The following TPTE2 variants were observed in gnomAD, a reference collection of about 807,000 sequenced individuals.
TPTE2 encodes phosphatidylinositol 3,4,5-trisphosphate 3-phosphatase TPTE2.
In TPTE2, 53 loss-of-function variants were observed where a neutral mutation model predicts 78.6. That is an observed-to-expected ratio of 0.67 (90% CI 0.54 to 0.85). TPTE2 has a LOEUF of 0.85. TPTE2 is among the 40% of genes least tolerant of loss of function. The probability of loss-of-function intolerance (pLI) is 0.00; values close to 1 mark genes in which losing one functional copy is unlikely to be tolerated. For synonymous variants in TPTE2, 175 were observed against 206.2 expected (o/e 0.85, Z 1.30); for missense variants, 461 against 623.0 (o/e 0.74, Z 2.77).
At chr13:19,455,281 A>G (rs942970903) in intron 10 of TPTE2, among the ~76,000 whole-genome samples, 1 of 152,242 alleles carries the variant, frequency 6.6e-6, no homozygotes, top group Non-Finnish European at 1.5e-5. Context: ...CTGCATGTAT[A>G]AAAATGCTTC....
chr13:19,503,962 G>A (rs1185271416), upstream of TPTE2, among the ~76,000 whole-genome samples: 3 of 151,358 alleles, frequency 2.0e-5, no homozygotes, highest in Non-Finnish European at 2.9e-5. Flanking sequence ...GGATGGGCTC[G>A]ATCTCCTGAT....
At chr13:19,492,290 A>T (rs553934243) in intron 3 of TPTE2, among the ~76,000 whole-genome samples, 1 of 151,954 alleles carries the variant, frequency 6.6e-6, no homozygotes, top group East Asian at 1.9e-4. Context: ...CTAGGCACCA[A>T]CCTCACATGT....
chr13:19,464,460 A>C, exon 10 of TPTE2: 2 of 1,612,374 alleles, frequency 1.2e-6, no homozygotes, highest in Non-Finnish European at 1.7e-6. Flanking sequence ...CCTTACCTCA[A>C]TTGGATTTCT....
In TPTE2 at chr13:19,530,162, C is replaced by G. The variant is rs1031332791; in HGVS notation, c.-44+6434G>C. Among the ~76,000 whole-genome samples the G allele has an allele frequency of 2.0e-5, 3 of 152,292 alleles. 1 individual carries two copies. In the East Asian group the frequency reaches 5.8e-4, roughly 29 times the overall value. ...TACTTCACTATTGGAGTCTGCTGAT[C>G]TAGGGTTTAAGTGCTGGCTGCACCA... On this transcript the variant is annotated intron_variant, in intron 1 of 17. Transcript: ENST00000390680.
chr13:19,474,412 C>A (rs1879816266), intron 5 of TPTE2, among the ~76,000 whole-genome samples: 1 of 152,210 alleles, frequency 6.6e-6, no homozygotes, highest in Non-Finnish European at 1.5e-5. Flanking sequence ...TGTTTACAAA[C>A]TCTTCCTAAA....
At chr13:19,496,268 T>A (rs1456479403) in intron 1 of TPTE2, among the ~76,000 whole-genome samples, 1 of 152,236 alleles carries the variant, frequency 6.6e-6, no homozygotes, top group East Asian at 1.9e-4. Flanking sequence ...CACATCATAC[T>A]TTATATGACT....
the TPTE2 span, among the ~76,000 whole-genome samples, chr13:19,545,492 C>T: frequency 1.3e-5 from 2 of 152,164 alleles, no homozygotes; most frequent in Non-Finnish European, 2.9e-5. Flanking sequence ...AGTCTGTATG[C>T]TGAATGGTGA....
At chr13:19,438,271 G>A (rs1877254849) in intron 13 of TPTE2, 118 bp from the exon 17 acceptor site, 1 of 1,386,138 alleles carries the variant, frequency 7.2e-7, no homozygotes, top group Non-Finnish European at 9.5e-7. Flanking sequence ...GGGTCTTGCT[G>A]TGTCACGCAG....
intron 4 of TPTE2, among the ~76,000 whole-genome samples, chr13:19,482,151 C>T (rs1285062761): frequency 9.2e-5 from 14 of 152,074 alleles, no homozygotes; most frequent in African/African-American, 2.9e-4. Flanking sequence ...ACACCATATC[C>T]AGTAAAAATG....
At chr13:19,459,548 C>T (rs1878755781) in intron 10 of TPTE2, among the ~76,000 whole-genome samples, 1 of 152,176 alleles carries the variant, frequency 6.6e-6, no homozygotes, top group South Asian at 2.1e-4. Context: ...ATCCTTCCTC[C>T]TCCGGACCAC....
chr13:19,448,518 T>A (rs1877977414), intron 13 of TPTE2, among the ~76,000 whole-genome samples: 1 of 152,118 alleles, frequency 6.6e-6, no homozygotes, highest in African/African-American at 2.4e-5. Context: ...GCAAAGAACC[T>A]GAAAAGATAT....
chr13:19,477,524 T>C (rs1238181697), intron 4 of TPTE2, among the ~76,000 whole-genome samples: 3 of 152,088 alleles, frequency 2.0e-5, no homozygotes, highest in South Asian at 2.1e-4. Context: ...GGAGGATCAA[T>C]TGGCCAAAAG....
intron 10 of TPTE2, among the ~76,000 whole-genome samples, chr13:19,462,354 T>C (rs1348177455): frequency 6.6e-6 from 1 of 152,128 alleles, no homozygotes; most frequent in Admixed American, 6.5e-5. Flanking sequence ...TTCTAGGGGA[T>C]AGCTCTACTA....
chr13:19,506,330 C>A (rs1869034217), upstream of TPTE2, among the ~76,000 whole-genome samples: 1 of 150,356 alleles, frequency 6.7e-6, no homozygotes, highest in African/African-American at 2.4e-5. Context: ...CGCCACTACG[C>A]CCGGCTAATT....
intron 6 of TPTE2, among the ~76,000 whole-genome samples, chr13:19,472,518 T>C (rs955028175): frequency 1.3e-5 from 2 of 152,252 alleles, no homozygotes; most frequent in African/African-American, 4.8e-5. Flanking sequence ...TTTTAAATTA[T>C]TTAATTTCTT....
At chr13:19,439,354 A>C (rs1004399455) in intron 13 of TPTE2, among the ~76,000 whole-genome samples, 13 of 152,054 alleles carry the variant, frequency 8.5e-5, no homozygotes, top group Admixed American at 7.9e-4. Flanking sequence ...GCAGAAGCAA[A>C]GCCAAAAGAC....
At chr13:19,507,919 C>T (rs563953694), upstream of TPTE2, among the ~76,000 whole-genome samples, 9 of 152,300 alleles carry the variant, frequency 5.9e-5, no homozygotes, top group African/African-American at 2.2e-4. Context: ...GTTCTAAAAG[C>T]TTCCCAACTC....
Position 19,535,539 on chromosome 13 carries a change from T to G in TPTE2, c.-44+1057A>C, listed in dbSNP as rs561332326. ...AACAAAACTCTATAGAAAGATATTATAAAATCAAGGATTAAATTTAGATTG... is the reference window on the plus strand; with the variant it reads ...AACAAAACTCTATAGAAAGATATTAGAAAATCAAGGATTAAATTTAGATTG... On this transcript the variant is annotated intron_variant, in intron 1 of 17. Transcript: ENST00000390680. This position sits in a 1 kb window ranked among gnomAD's most constrained non-coding sequence, Gnocchi z 5.1. 1.4e-4 allele frequency among the ~76,000 whole-genome samples: 21 copies of G among 152,152 alleles called. No individual in the cohort carries two copies. Among genetic ancestry groups the G allele is most frequent in the African/African-American group, 5.1e-4 (21 of 41,560 alleles).
the TPTE2 span, among the ~76,000 whole-genome samples, chr13:19,542,893 C>T: frequency 1.3e-5 from 2 of 151,100 alleles, no homozygotes; most frequent in East Asian, 2.0e-4. Context: ...TGGAAGGCTG[C>T]GGTGGGAGAA....
Sources: gnomAD v4.1 joint callset for allele counts (sites outside exome capture counted in the v4.1 genomes callset) on GRCh38, gnomAD v4.1.1 for gene constraint, Gnocchi (gnomAD v3.1) non-coding constraint, MANE v1.5 for transcripts, NCBI Gene and HGNC (gene_info 2026-07-23, HGNC 2026-07-21) for gene names.